Variants in GRAMD1B observed in about 807,000 individuals in gnomAD.
GRAMD1B encodes protein Aster-B.
In GRAMD1B, 37 loss-of-function variants were observed where a neutral mutation model predicts 99.7. The ratio of observed to expected loss-of-function variants is 0.37; its 90% CI spans 0.29 to 0.49. GRAMD1B has a LOEUF of 0.49. Among genes scored for constraint, GRAMD1B ranks in the 20% least tolerant of loss-of-function variants. The pLI, the probability that GRAMD1B is intolerant of heterozygous loss-of-function variation, is 0.98. For synonymous variants in GRAMD1B, 427 were observed against 387.6 expected (o/e 1.10, Z -1.19); for missense variants, 888 against 1,009.2 (o/e 0.88, Z 1.63).
intron 1 of GRAMD1B, among the ~76,000 whole-genome samples, chr11:123,442,117 G>A (rs937171260): frequency 2.6e-5 from 4 of 152,182 alleles, no homozygotes; most frequent in African/African-American, 9.7e-5. Flanking sequence ...CACAAACTGG[G>A]TGTCTTATAA....
intron 2 of GRAMD1B, among the ~76,000 whole-genome samples, chr11:123,548,325 TACACACACACACACAC>T (rs138083511): frequency 6.9e-5 from 6 of 86,896 alleles, no homozygotes; most frequent in Admixed American, 1.3e-4. Flanking sequence ...TATATATATA[TACACACACACACACAC>T]ACACACACAT....
intron 2 of GRAMD1B, among the ~76,000 whole-genome samples, chr11:123,553,959 C>T (rs1565365122): frequency 6.6e-6 from 1 of 152,190 alleles, no homozygotes; most frequent in Non-Finnish European, 1.5e-5. Context: ...CTTTGGCTAA[C>T]AATCTAGCTT....
intron 1 of GRAMD1B, among the ~76,000 whole-genome samples, chr11:123,387,152 G>T (rs929685051): frequency 5.9e-5 from 9 of 152,154 alleles, no homozygotes; most frequent in African/African-American, 1.9e-4. Flanking sequence ...AGCAGTCTCT[G>T]AGCCTCCCAG....
At chr11:123,474,828 C>A (rs1260173529) in intron 1 of GRAMD1B, among the ~76,000 whole-genome samples, 1 of 152,190 alleles carries the variant, frequency 6.6e-6, no homozygotes, top group African/African-American at 2.4e-5. Flanking sequence ...GCCTCAGTTG[C>A]AGCCAGAAGT....
chr11:123,395,643 GT>G (rs1264156263), intron 1 of GRAMD1B, among the ~76,000 whole-genome samples: 15 of 152,306 alleles, frequency 9.8e-5, no homozygotes, highest in Non-Finnish European at 1.2e-4. Context: ...ATTACAACCA[GT>G]TAAATCGTGT....
At chr11:123,604,909 T>C (rs948138986) in intron 9 of GRAMD1B, among the ~76,000 whole-genome samples, 6 of 152,162 alleles carry the variant, frequency 3.9e-5, no homozygotes, top group Non-Finnish European at 8.8e-5. Context: ...TAAGGAGCGC[T>C]CATGTCCAGA....
upstream of GRAMD1B, among the ~76,000 whole-genome samples, chr11:123,427,664 G>A (rs1172411325): frequency 1.3e-5 from 2 of 151,878 alleles, no homozygotes; most frequent in East Asian, 1.9e-4. Flanking sequence ...GGGTTTTAAC[G>A]GTCAAAAGGG....
At chr11:123,560,074 C>A (rs867172998) in intron 2 of GRAMD1B, among the ~76,000 whole-genome samples, 4 of 151,462 alleles carry the variant, frequency 2.6e-5, no homozygotes, top group Admixed American at 6.6e-5. Flanking sequence ...AACCCCCCCC[C>A]CCGCAGCCCC....
intron 1 of GRAMD1B, among the ~76,000 whole-genome samples, chr11:123,393,667 C>A (rs115510217): frequency 8.5e-5 from 13 of 152,156 alleles, no homozygotes; most frequent in African/African-American, 3.1e-4. Context: ...GAGAAAGCCA[C>A]GGTGGTTTTT....
intron 7 of GRAMD1B, among the ~76,000 whole-genome samples, chr11:123,597,554 T>G (rs1274210): frequency 0.1 from 15,416 of 152,004 alleles, 1,001 homozygotes; most frequent in East Asian, 0.23. Context: ...TTCAGGGAAG[T>G]AGCAACAAAG....
At chr11:123,604,830 G>C (rs1209349740) in intron 9 of GRAMD1B, among the ~76,000 whole-genome samples, 2 of 152,134 alleles carry the variant, frequency 1.3e-5, no homozygotes, top group Non-Finnish European at 2.9e-5. Context: ...ATCTCAAGGA[G>C]GTTTTCTTTC....
intron 2 of GRAMD1B, among the ~76,000 whole-genome samples, chr11:123,566,016 C>T (rs1212815619): frequency 6.6e-6 from 1 of 152,124 alleles, no homozygotes; most frequent in Non-Finnish European, 1.5e-5. Context: ...GTGTCTTTGC[C>T]ATGTGGAAAG....
chr11:123,393,798 G>T (rs1947360838), intron 1 of GRAMD1B, among the ~76,000 whole-genome samples: 1 of 152,166 alleles, frequency 6.6e-6, no homozygotes, highest in Non-Finnish European at 1.5e-5. Flanking sequence ...GACTACACAG[G>T]CTTGAACACC....
At chr11:123,608,549 G>T in intron 11 of GRAMD1B, 110 bp from the exon 12 acceptor site, 1 of 1,546,350 alleles carries the variant, frequency 6.5e-7, no homozygotes, top group Non-Finnish European at 8.7e-7. Flanking sequence ...CCATACCCTT[G>T]TTGACTGTGC....
At chr11:123,618,308 C>A (rs756032314) in intron 17 of GRAMD1B, 137 of 1,603,518 alleles carry the variant, frequency 8.5e-5, no homozygotes, top group Non-Finnish European at 1.1e-4. Flanking sequence ...TTTCTAACCT[C>A]TGCCTCCTCC....
intron 2 of GRAMD1B, chr11:123,525,890 C>G (rs1048479947): frequency 3.7e-6 from 2 of 540,886 alleles, no homozygotes; most frequent in South Asian, 2.3e-5. Context: ...GCAGGCGGCT[C>G]CAGCCCCAGG....
chr11:123,574,076 TAAAA>T (rs5795381), intron 2 of GRAMD1B, among the ~76,000 whole-genome samples: 1 of 125,734 alleles, frequency 8.0e-6, no homozygotes, highest in African/African-American at 2.9e-5. Flanking sequence ...TGAACAGAAT[TAAAA>T]AAAAAAAAAA....
In GRAMD1B at chr11:123,372,312, C is replaced by T. The variant is rs558886492; in HGVS notation, c.-176+13513C>T. ...ATCTCAGTTGCCCTTTATGGCTTAA[C>T]CTTTATATGTTCCTGGCCATTTAGG... On this transcript the variant is annotated intron_variant, in intron 1 of 20. Transcript: ENST00000638157. Among the ~76,000 whole-genome samples the T allele has an allele frequency of 5.3e-5, 8 of 152,282 alleles. No homozygotes were observed. In the South Asian group the frequency reaches 1.0e-3, roughly 20 times the overall value.
At chr11:123,437,454 C>A in intron 1 of GRAMD1B, among the ~76,000 whole-genome samples, 1 of 152,166 alleles carries the variant, frequency 6.6e-6, no homozygotes, top group East Asian at 1.9e-4. Context: ...TGGTGGCCAA[C>A]TGCAGGCTCT....
Sources: gnomAD v4.1 joint callset for allele counts (sites outside exome capture counted in the v4.1 genomes callset) on GRCh38, gnomAD v4.1.1 for gene constraint, MANE v1.5 for transcripts, NCBI Gene and HGNC (gene_info 2026-07-23, HGNC 2026-07-21) for gene names.